The following ANKRD11 variants were observed in gnomAD, a reference collection of about 807,000 sequenced individuals.
The protein encoded by ANKRD11 is ankyrin repeat domain-containing protein 11.
Under a neutral mutation model 195.7 loss-of-function variants are expected in ANKRD11, and 17 were observed. That is an observed-to-expected ratio of 0.09 (90% CI 0.06 to 0.13). The LOEUF (loss-of-function observed/expected upper bound fraction) is 0.13, where lower values mean the gene tolerates loss of function less well. ANKRD11 is among the 10% of genes least tolerant of loss of function. ANKRD11 has a pLI of 1.00. For missense variants in ANKRD11, 3,735 were observed against 3,566.1 expected (o/e 1.05, Z -1.21); for synonymous variants, 1,953 against 1,528.1 (o/e 1.28, Z -6.49).
At chr16:89,445,820 C>G (rs1299133459) in intron 1 of ANKRD11, among the ~76,000 whole-genome samples, 1 of 151,714 alleles carries the variant, frequency 6.6e-6, no homozygotes, top group East Asian at 1.9e-4. Context: ...ACTAAAAATA[C>G]AAAATTAGCC....
At chr16:89,294,979 T>G (rs548224297) in intron 4 of ANKRD11, among the ~76,000 whole-genome samples, 2 of 152,386 alleles carry the variant, frequency 1.3e-5, no homozygotes, top group African/African-American at 4.8e-5. Context: ...CCTGTAGCAT[T>G]CTGCAAATTT....
At chr16:89,278,612 A>G (rs1015797268) in intron 9 of ANKRD11, 1 of 456,888 alleles carries the variant, frequency 2.2e-6, no homozygotes, top group African/African-American at 2.0e-5. Flanking sequence ...CAGAAGCCCA[A>G]GGGAGGAGGT....
At chr16:89,401,668 C>A (rs1343235955) in intron 2 of ANKRD11, among the ~76,000 whole-genome samples, 1 of 152,124 alleles carries the variant, frequency 6.6e-6, no homozygotes, top group Admixed American at 6.6e-5. Flanking sequence ...CAGACGATGG[C>A]CTTCCTGGGA....
chr16:89,354,251 A>AG (rs892812703), intron 2 of ANKRD11, among the ~76,000 whole-genome samples: 11 of 151,772 alleles, frequency 7.2e-5, no homozygotes, highest in Non-Finnish European at 1.6e-4. Context: ...GCCAAAAAAA[A>AG]AAAAAAAAAG....
intron 1 of ANKRD11, chr16:89,459,260 G>A: frequency 5.8e-6 from 1 of 171,936 alleles, no homozygotes; most frequent in Admixed American, 5.7e-5. Context: ...TGAGAGGAGG[G>A]AACAGTGGTA....
chr16:89,468,411 G>A (rs1220128691), intron 1 of ANKRD11, among the ~76,000 whole-genome samples: 1 of 152,126 alleles, frequency 6.6e-6, no homozygotes, highest in African/African-American at 2.4e-5. Context: ...CCAACAGAAT[G>A]AAGCAAAAGT....
chr16:89,309,715 C>G (rs1421702376), intron 3 of ANKRD11, among the ~76,000 whole-genome samples: 1 of 152,216 alleles, frequency 6.6e-6, no homozygotes, highest in African/African-American at 2.4e-5. Context: ...GTTTCGGCCC[C>G]TCTAACCTTT....
chr16:89,302,544 C>T (rs977300325), intron 4 of ANKRD11, among the ~76,000 whole-genome samples: 5 of 152,174 alleles, frequency 3.3e-5, no homozygotes, highest in Admixed American at 3.3e-4. Context: ...AGCCACCGCG[C>T]CTGGCTGTGG....
intron 1 of ANKRD11, among the ~76,000 whole-genome samples, chr16:89,433,823 C>T (rs765529214): frequency 1.3e-5 from 2 of 152,226 alleles, no homozygotes; most frequent in South Asian, 2.1e-4. Flanking sequence ...GGCACGCCAC[C>T]TTCTCCAGCC....
Position 89,282,855 on chromosome 16 carries a change from C to T in ANKRD11, c.3687G>A (p.Thr1229=), listed in dbSNP as rs374974445. 8 of 1,612,278 alleles carry T rather than the reference C, an allele frequency of 5.0e-6. No homozygotes were observed. The South Asian group carries it at 6.6e-5, about 13-fold the overall frequency. The change falls in exon 9 of 13, where the codon ACG becomes ACA. Residue 1229 remains threonine, a synonymous_variant. Transcript: ENST00000301030. ...DRKDRASVDS[T]QDKKNKQKLP... is the part of the protein sequence containing the mutation. ...GCTTCTGTTTATTTTTCTTATCTTG[C>T]GTGGAGTCCACTGAGGCTCTGTCCT...
intron 2 of ANKRD11, among the ~76,000 whole-genome samples, chr16:89,390,251 C>T (rs1384406024): frequency 7.8e-6 from 1 of 128,654 alleles, no homozygotes; most frequent in African/African-American, 3.0e-5. Context: ...ATCACTGGGG[C>T]GAACACCGAG....
chr16:89,407,718 T>G (rs2041963919), intron 2 of ANKRD11, among the ~76,000 whole-genome samples: 2 of 152,124 alleles, frequency 1.3e-5, no homozygotes. Flanking sequence ...GGCATTGTGG[T>G]GTGCCCCTGC....
chr16:89,288,740 C>T (rs2034826574), intron 6 of ANKRD11, 70 bp from the exon 7 acceptor site: 4 of 1,609,362 alleles, frequency 2.5e-6, no homozygotes, highest in Admixed American at 3.3e-5. Context: ...GGAGGCAGCG[C>T]CCTGAGGATG....
At chr16:89,304,481 TACACGGGCATAGACGGGCACGCATACAC>T (rs2151865967) in intron 4 of ANKRD11, among the ~76,000 whole-genome samples, 1 of 147,760 alleles carries the variant, frequency 6.8e-6, no homozygotes, top group African/African-American at 2.5e-5. Context: ...TGGGCACACA[TACACGGGCATAGACGGGCACGCATACAC>T]AGGCACACAT....
rs147744268 is a variant in ANKRD11, at chr16:89,285,515, C to T, written c.1027G>A (p.Val343Ile). 206 of 1,614,062 alleles carry T rather than the reference C, an allele frequency of 1.3e-4. No individual in the cohort carries two copies. In the African/African-American group the frequency reaches 2.1e-3, roughly 17 times the overall value. The change falls in exon 9 of 13, where the codon GTC (valine) becomes ATC (isoleucine). Residue 343 changes from valine to isoleucine, a missense_variant. Coordinates refer to ENST00000301030, the MANE Select transcript of ANKRD11 (RefSeq NM_013275.6). The surrounding 1 kb of genome is among the most constrained non-coding windows in gnomAD (Gnocchi z 5.6). The part of the protein sequence containing the change: ...NPEPQKATAP[V>I]KDEYEFDEDD... ...TCATCAAACTCATACTCGTCCTTGA[C>T]GGGGGCCGTGGCCTTCTGTGGCTCT... is the stretch of plus-strand genomic sequence containing the variant.
At chr16:89,396,889 G>C (rs1446042159) in intron 2 of ANKRD11, among the ~76,000 whole-genome samples, 1 of 152,158 alleles carries the variant, frequency 6.6e-6, no homozygotes, top group Non-Finnish European at 1.5e-5. Flanking sequence ...GTTTCACCAT[G>C]TTGGTCAGGC....
chr16:89,433,762 G>A (rs934338580), intron 1 of ANKRD11, among the ~76,000 whole-genome samples: 7 of 150,316 alleles, frequency 4.7e-5, no homozygotes, highest in Non-Finnish European at 8.9e-5. Context: ...GGCTGGGCAC[G>A]CCACCTTCAC....
intron 1 of ANKRD11, chr16:89,489,214 C>G (rs1302942128): frequency 9.2e-6 from 1 of 108,394 alleles, no homozygotes; most frequent in African/African-American, 3.2e-5. Context: ...CAACCCTACA[C>G]ACACACACAC....
Position 89,281,191 on chromosome 16 carries a change from G to A in ANKRD11, c.5351C>T (p.Ser1784Phe), listed in dbSNP as rs751323481. The A allele has an allele frequency of 2.0e-5, 33 of 1,614,078 alleles. No homozygotes were observed. Among genetic ancestry groups the A allele is most frequent in the Non-Finnish European group, 2.8e-5 (33 of 1,180,038 alleles). Residue 1784 changes from serine (S) to phenylalanine (F), a missense_variant, in exon 9 of 13, where the codon TCC becomes TTC. Physicochemically the swap from Ser to Phe is radical, Grantham distance 155. Transcript: ENST00000301030. The surrounding 1 kb of genome is among the most constrained non-coding windows in gnomAD (Gnocchi z 5.5). The part of the protein sequence containing the change: ...NASQAPARPL[S>F]TNLYRSVSVD... ...AGAGACCGAGCGGTAAAGGTTTGTGGAGAGAGGCCTGGCAGGAGCCTGGCT... is the reference window on the plus strand; with the variant it reads ...AGAGACCGAGCGGTAAAGGTTTGTGAAGAGAGGCCTGGCAGGAGCCTGGCT...
Sources: allele counts gnomAD v4.1 joint callset (sites outside exome capture counted in the v4.1 genomes callset), GRCh38; gene constraint gnomAD v4.1.1; non-coding constraint Gnocchi (gnomAD v3.1); transcripts MANE v1.5; gene names NCBI Gene and HGNC (gene_info 2026-07-23, HGNC 2026-07-21).